TBC1D9B: variants seen among roughly 807,000 people sequenced by gnomAD.
TBC1D9B encodes the protein TBC1 domain family, member 9B (with GRAM domain).
In TBC1D9B, 87 loss-of-function variants were observed where a neutral mutation model predicts 121.1. The observed-to-expected ratio is 0.72, with a 90% confidence interval of 0.60 to 0.86. The LOEUF (loss-of-function observed/expected upper bound fraction) is 0.86. Among genes scored for constraint, TBC1D9B ranks in the 40% least tolerant of loss-of-function variants. The probability of loss-of-function intolerance (pLI) is 0.00; values close to 1 mark genes in which losing one functional copy is unlikely to be tolerated. For synonymous variants in TBC1D9B, 668 were observed against 670.1 expected (o/e 1.00, Z 0.05); for missense variants, 1,540 against 1,628.6 (o/e 0.95, Z 0.94).
At chr5:179,883,134 C>T (rs1760586288) in intron 7 of TBC1D9B, among the ~76,000 whole-genome samples, 1 of 152,212 alleles carries the variant, frequency 6.6e-6, no homozygotes, top group African/African-American at 2.4e-5. Flanking sequence ...GCTGGGATTA[C>T]AGGTGTGAGC....
At position 179,869,803 on chromosome 5, in the gene TBC1D9B, C is replaced by T. The variant is rs925060239; in HGVS notation, c.2757G>A (p.Lys919=). The T allele has an allele frequency of 6.3e-7, 1 of 1,578,120 alleles. No individual in the cohort carries two copies. Among genetic ancestry groups the T allele is most frequent in the African/African-American group, 1.4e-5 (1 of 73,970 alleles). ...SGMYHGDLTE[K]LKVLYKLHLP... ...GGTGTAGCTTGTAGAGCACCTTGAG[C>T]TTCTCTGTCAGGTCCCCGTGGTACA... Residue 919 remains lysine (K), a synonymous_variant, in exon 17 of 21, where the codon AAG becomes AAA. Coordinates refer to ENST00000355235, the MANE Select transcript of TBC1D9B (RefSeq NM_015043.4).
At position 179,879,542 on chromosome 5, in the gene TBC1D9B, A is replaced by AAGGCCC. The variant is rs1484508782; in HGVS notation, c.1416+80_1416+85dup. The AAGGCCC allele has an allele frequency of 3.1e-5, 50 of 1,596,414 alleles. No homozygotes were observed. The South Asian group carries it at 5.2e-4, about 17-fold the overall frequency. On this transcript the variant is annotated intron_variant, in intron 8 of 20. Coordinates refer to ENST00000355235, the MANE Select transcript of TBC1D9B (RefSeq NM_015043.4). The stretch of plus-strand genomic sequence containing the variant: ...AGCGGTCAGCCCAGGGCCCTGAGGG[A>AAGGCCC]AGGCCCAGGCCCAGGACTGGCTCCA...
chr5:179,900,673 A>T (rs1761141171), intron 2 of TBC1D9B, among the ~76,000 whole-genome samples: 1 of 152,122 alleles, frequency 6.6e-6, no homozygotes, highest in Non-Finnish European at 1.5e-5. Context: ...CTGTTTAAAG[A>T]TGCCTTATTT....
rs773201648 is a variant in TBC1D9B at position 179,872,872 on chromosome 5, A to G, written c.2415+20T>C. 11 of 1,035,448 alleles carry G rather than the reference A, an allele frequency of 1.1e-5. No homozygotes were observed. Among genetic ancestry groups the G allele is most frequent in the Admixed American group, 7.2e-5 (3 of 41,926 alleles). The allele number at this position is 1,035,448 out of a possible 1,614,324, so 64.1% of individuals were successfully genotyped here. ...TGCCCCCCCAGCCCAGCCCCTGCCCAGCCCTGCTGGCACCCATACCACACT... is the reference window on the plus strand; with the variant it reads ...TGCCCCCCCAGCCCAGCCCCTGCCCGGCCCTGCTGGCACCCATACCACACT... On this transcript the variant is annotated intron_variant, in intron 14 of 20. Transcript: ENST00000355235.
At chr5:179,881,946 G>GTTTTTTTT (rs796278508) in intron 7 of TBC1D9B, among the ~76,000 whole-genome samples, 1 of 128,284 alleles carries the variant, frequency 7.8e-6, no homozygotes, top group African/African-American at 3.3e-5. Flanking sequence ...TATACCTTCC[G>GTTTTTTTT]TTTTTTTTTT....
chr5:179,900,201 A>T (rs1400535281), intron 2 of TBC1D9B, among the ~76,000 whole-genome samples: 1 of 152,174 alleles, frequency 6.6e-6, no homozygotes, highest in Non-Finnish European at 1.5e-5. Flanking sequence ...GTCTCAAAAA[A>T]CAAAACAACA....
chr5:179,907,878 G>T lies in TBC1D9B; in HGVS notation c.-57C>A. ...CGAGACGGAAGCGCCCGCCGCCGTC[G>T]GCGTCCCGGAGCGGAGCGTGCGGAG... On this transcript the variant is annotated 5_prime_UTR_variant, in exon 1 of 21. Transcript: ENST00000355235. The surrounding 1 kb of genome is among the most constrained non-coding windows in gnomAD (Gnocchi z 5.3). 1 of 976,370 alleles carries T rather than the reference G, an allele frequency of 1.0e-6. No individual in the cohort carries two copies. Among genetic ancestry groups the T allele is most frequent in the Non-Finnish European group, 1.2e-6 (1 of 813,950 alleles). The allele number at this position is 976,370 out of a possible 1,614,324, so 60.5% of individuals were successfully genotyped here. A position where few individuals can be genotyped will look rare whatever the true frequency, so the allele number is the denominator to read the frequency against.
chr5:179,874,896 T>C lies in TBC1D9B; in HGVS notation c.2186+6A>G, dbSNP rs770388913. ...CCCCAGCAGGAGAAGGAACCCGGCA[T>C]GTCACCTGCCCAGCATGGTCATGGC... On this transcript the variant is annotated splice_donor_region_variant and intron_variant, in intron 12 of 20. Transcript: ENST00000355235. The surrounding 1 kb of genome is among the most constrained non-coding windows in gnomAD (Gnocchi z 4.3). 1.2e-6 allele frequency: 2 copies of C among 1,611,866 alleles called. No homozygotes were observed. Among genetic ancestry groups the C allele is most frequent in the East Asian group, 2.2e-5 (1 of 44,862 alleles).
Position 179,893,392 on chromosome 5 carries a change from C to T in TBC1D9B, c.653G>A (p.Arg218His), listed in dbSNP as rs895726397. 3.7e-6 allele frequency: 6 copies of T among 1,614,028 alleles called. No individual in the cohort carries two copies. Among genetic ancestry groups the T allele is most frequent in the African/African-American group, 1.3e-5 (1 of 74,936 alleles). Residue 218 changes from arginine (R) to histidine (H), a missense_variant, in exon 5 of 21, where the codon CGT becomes CAT. Arg to His is a conservative substitution (Grantham distance 29). Transcript: ENST00000355235. Reference sequence around the variant, plus strand: ...GAGCTCCTGGTCGCGGGTGTCCACACGGATGCTCTCGGGGAAGAGCAGGGT... The same window carrying T: ...GAGCTCCTGGTCGCGGGTGTCCACATGGATGCTCTCGGGGAAGAGCAGGGT... ...NATLLFPESI[R>H]VDTRDQELFF...
intron 7 of TBC1D9B, among the ~76,000 whole-genome samples, chr5:179,881,946 G>GTTTTTTTTTTTT (rs796278508): frequency 2.0e-4 from 26 of 128,286 alleles, no homozygotes; most frequent in African/African-American, 8.3e-4. Flanking sequence ...TATACCTTCC[G>GTTTTTTTTTTTT]TTTTTTTTTT....
Position 179,891,281 on chromosome 5 carries a change from C to G in TBC1D9B, c.1044+98G>C. ...GGGCTAGGGCATCCTCCCAGGTACCCCCCAGTGAGACAGGGCAGAGCAGGA... is the reference window on the plus strand; with the variant it reads ...GGGCTAGGGCATCCTCCCAGGTACCGCCCAGTGAGACAGGGCAGAGCAGGA... On this transcript the variant is annotated intron_variant, in intron 6 of 20. Transcript: ENST00000355235. The surrounding 1 kb of genome is among the most constrained non-coding windows in gnomAD (Gnocchi z 4.3). The G allele has an allele frequency of 7.1e-7, 1 of 1,401,490 alleles. No homozygotes were observed. The highest frequency in any genetic ancestry group is 1.0e-6 in the Non-Finnish European group (1 of 1,003,756). 86.8% of individuals were successfully genotyped at this position (1,401,490 alleles called of 1,614,324 possible). A position where few individuals can be genotyped will look rare whatever the true frequency, so the allele number is the denominator to read the frequency against.
Position 179,878,326 on chromosome 5 carries a change from T to C in TBC1D9B, c.1765A>G (p.Thr589Ala). The change falls in exon 10 of 21, where the codon ACC becomes GCC. Residue 589 changes from threonine (T) to alanine (A), a missense_variant. Physicochemically the swap from Thr to Ala is moderately conservative, Grantham distance 58. Coordinates refer to ENST00000355235, the MANE Select transcript of TBC1D9B (RefSeq NM_015043.4). ...CCCCTTACCTGGCAGTAGCCGATGGTGGGGTTTCGGAAGGCATAGGCAGTC... is the reference window on the plus strand; with the variant it reads ...CCCCTTACCTGGCAGTAGCCGATGGCGGGGTTTCGGAAGGCATAGGCAGTC... ...VLTAYAFRNP[T>A]IGYCQAMNIV... is the part of the protein sequence containing the mutation. 6.2e-7 allele frequency: 1 copy of C among 1,612,664 alleles called. No individual in the cohort carries two copies. Among genetic ancestry groups the C allele is most frequent in the Non-Finnish European group, 8.5e-7 (1 of 1,179,700 alleles).
intron 18 of TBC1D9B, chr5:179,867,239 A>G (rs1028672418): frequency 9.1e-6 from 5 of 546,808 alleles, no homozygotes; most frequent in Non-Finnish European, 1.6e-5. Flanking sequence ...CTTGGCGCCT[A>G]GTGTGGGGGC....
chr5:179,874,315 G>A lies in TBC1D9B; in HGVS notation c.2186+587C>T, dbSNP rs930412317. 1.3e-5 allele frequency among the ~76,000 whole-genome samples: 2 copies of A among 152,098 alleles called. No individual in the cohort carries two copies. Among genetic ancestry groups the A allele is most frequent in the Non-Finnish European group, 2.9e-5 (2 of 68,008 alleles). Reference sequence around the variant, plus strand: ...GGGAACCCCAGGGAAAGGGCATGGTGGGCCTGGGCTGAGGCAGCAGGCTGA... The same window carrying A: ...GGGAACCCCAGGGAAAGGGCATGGTAGGCCTGGGCTGAGGCAGCAGGCTGA... On this transcript the variant is annotated intron_variant, in intron 12 of 20. Transcript: ENST00000355235. The surrounding 1 kb of genome is among the most constrained non-coding windows in gnomAD (Gnocchi z 4.3).
At position 179,875,825 on chromosome 5, in the gene TBC1D9B, G is replaced by A. The variant is rs1479844370; in HGVS notation, c.1900+95C>T. The stretch of plus-strand genomic sequence containing the variant: ...ACCCTCTAACTCCTAGGGAACCCAC[G>A]TGAAGCCTGGAGCTTGGCCTGGGAA... On this transcript the variant is annotated intron_variant, in intron 11 of 20. Transcript: ENST00000355235. The surrounding 1 kb of genome is among the most constrained non-coding windows in gnomAD (Gnocchi z 4.5). The A allele has an allele frequency of 4.9e-6, 5 of 1,010,826 alleles. No individual in the cohort carries two copies. Among genetic ancestry groups the A allele is most frequent in the Non-Finnish European group, 5.6e-6 (4 of 708,676 alleles). The allele number at this position is 1,010,826 out of a possible 1,614,324, so 62.6% of individuals were successfully genotyped here.
intron 2 of TBC1D9B, among the ~76,000 whole-genome samples, chr5:179,900,525 G>A (rs1397820045): frequency 6.6e-6 from 1 of 152,140 alleles, no homozygotes; most frequent in Non-Finnish European, 1.5e-5. Context: ...TATTCAGGTG[G>A]TCAGATTCTG....
chr5:179,872,117 C>A (rs1203309307), intron 14 of TBC1D9B: 1 of 102,176 alleles, frequency 9.8e-6, no homozygotes, highest in East Asian at 3.1e-4. Flanking sequence ...CACTCCGGGC[C>A]CCTTCCCAGG....
chr5:179,883,692 T>C (rs1488528714), intron 7 of TBC1D9B, among the ~76,000 whole-genome samples: 1 of 152,200 alleles, frequency 6.6e-6, no homozygotes, highest in Non-Finnish European at 1.5e-5. Context: ...CTCAGAAACA[T>C]CAGGACACAG....
At position 179,872,997 on chromosome 5, in the gene TBC1D9B, G is replaced by C. The variant is rs552586536; in HGVS notation, c.2317-7C>G. 1 of 1,614,012 alleles carries C rather than the reference G, an allele frequency of 6.2e-7. No homozygotes were observed. The highest frequency in any genetic ancestry group is 2.2e-5 in the East Asian group (1 of 44,884). On this transcript the variant is annotated splice_polypyrimidine_tract_variant and splice_region_variant and intron_variant, in intron 13 of 20. Coordinates refer to ENST00000355235, the MANE Select transcript of TBC1D9B (RefSeq NM_015043.4). ...CCCTCAGGCTGCTGAATTTCTATAG[G>C]GAGAGGTGACTTGGTGAGATCAAGC...
Sources: allele counts gnomAD v4.1 joint callset (sites outside exome capture counted in the v4.1 genomes callset), GRCh38; gene constraint gnomAD v4.1.1; non-coding constraint Gnocchi (gnomAD v3.1); transcripts MANE v1.5; gene names NCBI Gene and HGNC (gene_info 2026-07-23, HGNC 2026-07-21).